ZNF469: variants seen among roughly 807,000 people sequenced by gnomAD.
ZNF469 encodes zinc finger protein 469.
Under a neutral mutation model 1.0 loss-of-function variants are expected in ZNF469, and 1 was observed. The observed-to-expected ratio is 1.00, with a 90% confidence interval of 0.35 to 4.73. The LOEUF is 4.73. Ranked by LOEUF, ZNF469 falls within the 30% of genes most tolerant of loss-of-function variation. ZNF469 has a pLI of 0.16. For synonymous variants in ZNF469, 2,703 were observed against 2,363.4 expected, an observed-to-expected ratio of 1.14 and a Z score of -4.17; for missense variants, 6,100 against 5,356.3, an observed-to-expected ratio of 1.14 and a Z score of -4.33.
At chr16:88,351,191 G>A in the ZNF469 span, among the ~76,000 whole-genome samples, 15 of 152,236 alleles carry the variant, frequency 9.9e-5, no homozygotes, top group African/African-American at 2.9e-4. Flanking sequence ...GCACACACCC[G>A]GCCCTCGGTG....
At chr16:88,311,480 T>A in the ZNF469 span, among the ~76,000 whole-genome samples, 1 of 152,208 alleles carries the variant, frequency 6.6e-6, no homozygotes, top group Non-Finnish European at 1.5e-5. Context: ...TTTACCCTGA[T>A]TGGAGAAGCA....
At chr16:88,104,298 T>C in the ZNF469 span, among the ~76,000 whole-genome samples, 2 of 148,536 alleles carry the variant, frequency 1.3e-5, no homozygotes, top group Non-Finnish European at 3.0e-5. Flanking sequence ...ACGCTTCACA[T>C]ACCATAGAGT....
intron 1 of ZNF469, among the ~76,000 whole-genome samples, chr16:88,394,963 A>G (rs1461818696): frequency 6.6e-6 from 1 of 152,172 alleles, no homozygotes; most frequent in African/African-American, 2.4e-5. Flanking sequence ...CTTGGCCCCA[A>G]CAACAGCGTT....
chr16:88,121,999 C>T, the ZNF469 span, among the ~76,000 whole-genome samples: 19 of 144,340 alleles, frequency 1.3e-4, no homozygotes, highest in South Asian at 1.5e-3. Flanking sequence ...TCACTCGCTA[C>T]GGCCACGGCG....
the ZNF469 span, chr16:88,194,648 C>T: frequency 6.6e-6 from 1 of 152,268 alleles, no homozygotes; most frequent in East Asian, 1.9e-4. Flanking sequence ...GCGTCTCCTT[C>T]CCCGTGCTTT....
chr16:88,133,564 A>C, the ZNF469 span, among the ~76,000 whole-genome samples: 1 of 152,192 alleles, frequency 6.6e-6, no homozygotes. Context: ...CAACAGATTT[A>C]ACCAATAAGT....
chr16:88,369,317 C>T, the ZNF469 span, among the ~76,000 whole-genome samples: 6 of 152,210 alleles, frequency 3.9e-5, no homozygotes, highest in Non-Finnish European at 5.9e-5. Context: ...CAAATAAATG[C>T]AAATGACATG....
In ZNF469 at chr16:88,437,035, A is replaced by G; in HGVS notation, c.9565A>G (p.Met3189Val). The G allele has an allele frequency of 2.0e-6, 3 of 1,532,618 alleles. No individual in the cohort carries two copies. The highest frequency in any genetic ancestry group is 2.6e-6 in the Non-Finnish European group (3 of 1,141,640). 94.9% of individuals were successfully genotyped at this position (1,532,618 alleles called of 1,614,324 possible). A position where few individuals can be genotyped will look rare whatever the true frequency, so the allele number is the denominator to read the frequency against. ...CCTGAAGGAGGTGGCCGACGTCTGG[A>G]TGTACAACGAGCACCTGCGTGAGCA... is the stretch of plus-strand genomic sequence containing the variant. ...MCLKEVADVW[M>V]YNEHLREHAV... Residue 3189 changes from methionine to valine, a missense_variant, in exon 3 of 3, where the codon ATG becomes GTG. Met to Val is a conservative substitution (Grantham distance 21). Transcript: ENST00000565624.
chr16:88,200,285 T>A, the ZNF469 span, among the ~76,000 whole-genome samples: 1 of 152,194 alleles, frequency 6.6e-6, no homozygotes, highest in Non-Finnish European at 1.5e-5. Context: ...TGCCCAGCTC[T>A]CCCTGTCAGC....
the ZNF469 span, among the ~76,000 whole-genome samples, chr16:88,259,134 C>G: frequency 7.2e-3 from 1,090 of 152,366 alleles, 8 homozygotes; most frequent in Non-Finnish European, 0.012. The surrounding 1 kb of genome is among the most constrained non-coding windows in gnomAD (Gnocchi z 4.1). Context: ...AAAGAAAAAG[C>G]CATGCCACAA....
At chr16:88,225,841 T>C in the ZNF469 span, among the ~76,000 whole-genome samples, 1 of 152,168 alleles carries the variant, frequency 6.6e-6, no homozygotes, top group Non-Finnish European at 1.5e-5. Context: ...CAGCAGGAAA[T>C]GTCAGCTGTT....
At chr16:88,244,588 G>A in the ZNF469 span, among the ~76,000 whole-genome samples, 13 of 151,942 alleles carry the variant, frequency 8.6e-5, no homozygotes, top group Non-Finnish European at 1.6e-4. Flanking sequence ...TGGATGGATG[G>A]ATGGATGTGT....
the ZNF469 span, among the ~76,000 whole-genome samples, chr16:88,216,443 G>T: frequency 6.7e-5 from 10 of 149,896 alleles, no homozygotes; most frequent in Admixed American, 6.0e-4. Context: ...GCAGTGAGCC[G>T]AGATCACGCC....
rs1446074351 is a variant in ZNF469, at chr16:88,434,698, G to C, written c.7228G>C (p.Ala2410Pro). ...AGGACTGGGCTTGGGAAGAACCACAGCCCCAAGCAGCACAGCCAGTGACTT... is the reference window on the plus strand; with the variant it reads ...AGGACTGGGCTTGGGAAGAACCACACCCCCAAGCAGCACAGCCAGTGACTT... ...STGLGLGRTT[A>P]PSSTASDFQS... is the part of the protein sequence containing the mutation. Residue 2410 changes from alanine (A) to proline (P), a missense_variant, in exon 3 of 3, where the codon GCC becomes CCC. Coordinates refer to ENST00000565624, the MANE Select transcript of ZNF469 (RefSeq NM_001367624.2). 5 of 1,550,368 alleles carry C rather than the reference G, an allele frequency of 3.2e-6. No individual in the cohort carries two copies. Among genetic ancestry groups the C allele is most frequent in the Non-Finnish European group, 4.4e-6 (5 of 1,146,978 alleles).
At chr16:88,129,728 C>T in the ZNF469 span, among the ~76,000 whole-genome samples, 143 of 152,274 alleles carry the variant, frequency 9.4e-4, 3 homozygotes, top group East Asian at 0.016. Flanking sequence ...GATGTGGTGG[C>T]GCACGCCTGC....
the ZNF469 span, among the ~76,000 whole-genome samples, chr16:88,154,780 G>A: frequency 2.6e-5 from 4 of 152,214 alleles, no homozygotes; most frequent in Admixed American, 1.3e-4. Flanking sequence ...CCGTGCCATC[G>A]AGGGGACGGT....
At chr16:88,210,941 A>C in the ZNF469 span, among the ~76,000 whole-genome samples, 1 of 152,236 alleles carries the variant, frequency 6.6e-6, no homozygotes. Flanking sequence ...ATCATTGTAA[A>C]AAGCTCATTG....
chr16:88,152,172 G>A, the ZNF469 span, among the ~76,000 whole-genome samples: 11 of 152,230 alleles, frequency 7.2e-5, no homozygotes, highest in African/African-American at 2.7e-4. This position sits in a 1 kb window ranked among gnomAD's most constrained non-coding sequence, Gnocchi z 4.2. Context: ...TCTGAGAACT[G>A]TAGCGAAAGG....
At chr16:88,135,287 C>T in the ZNF469 span, among the ~76,000 whole-genome samples, 1 of 152,280 alleles carries the variant, frequency 6.6e-6, no homozygotes, top group Non-Finnish European at 1.5e-5. Flanking sequence ...TCCTCTCTGG[C>T]ACACATCATT....
Sources: gnomAD v4.1 joint callset for allele counts (sites outside exome capture counted in the v4.1 genomes callset) on GRCh38, gnomAD v4.1.1 for gene constraint, Gnocchi (gnomAD v3.1) non-coding constraint, MANE v1.5 for transcripts, NCBI Gene and HGNC (gene_info 2026-07-23, HGNC 2026-07-21) for gene names.